Variants in PDE4D observed in about 807,000 individuals in gnomAD.
PDE4D encodes phosphodiesterase 4D.
In PDE4D, 24 loss-of-function variants were observed where a neutral mutation model predicts 87.4. That is an observed-to-expected ratio of 0.27 (90% CI 0.20 to 0.39). PDE4D has a LOEUF of 0.39. PDE4D is among the 10% of genes least tolerant of loss of function. The pLI is 1.00. For missense variants in PDE4D, 714 were observed against 1,041.0 expected (o/e 0.69, Z 4.32); for synonymous variants, 384 against 383.2 (o/e 1.00, Z -0.02).
At chr5:59,948,068 T>C (rs1172496105) in intron 3 of PDE4D, among the ~76,000 whole-genome samples, 1 of 152,200 alleles carries the variant, frequency 6.6e-6, no homozygotes, top group African/African-American at 2.4e-5. Context: ...TATACTGATA[T>C]ACTCTCAAAG....
chr5:60,088,486 A>T (rs927933567), intron 2 of PDE4D, among the ~76,000 whole-genome samples: 1 of 152,000 alleles, frequency 6.6e-6, no homozygotes, highest in Non-Finnish European at 1.5e-5. Flanking sequence ...CAATATAAAA[A>T]TATGTAAATT....
intron 2 of PDE4D, among the ~76,000 whole-genome samples, chr5:60,003,875 T>C (rs2152840400): frequency 6.6e-6 from 1 of 152,138 alleles, no homozygotes; most frequent in Admixed American, 6.5e-5. Flanking sequence ...AAATAAACCC[T>C]GCATATATAA....
upstream of PDE4D, among the ~76,000 whole-genome samples, chr5:59,897,997 C>T (rs1546364): frequency 0.23 from 34,685 of 152,006 alleles, 5,707 homozygotes; most frequent in African/African-American, 0.47. Context: ...GTCAGTATTG[C>T]CAGTACAAGT....
At position 60,428,643 on chromosome 5, in the gene PDE4D, C is replaced by T. The variant is rs560101017; in HGVS notation, c.-90+59299G>A. On this transcript the variant is annotated intron_variant, in intron 1 of 16. Transcript: ENST00000502484. ...TATATACTGAAAATCCTACTAAATG[C>T]TTCACAAATAGTATTTACTTCTCAC... Among the ~76,000 whole-genome samples, 8 of 152,256 alleles carry T rather than the reference C, an allele frequency of 5.3e-5. No homozygotes were observed. The East Asian group carries it at 1.5e-3, about 29-fold the overall frequency.
At chr5:59,487,323 T>A (rs1805331750) in intron 1 of PDE4D, among the ~76,000 whole-genome samples, 1 of 152,152 alleles carries the variant, frequency 6.6e-6, no homozygotes, top group Non-Finnish European at 1.5e-5. Flanking sequence ...TTCAAGTTGA[T>A]AGGACATTAA....
At chr5:60,243,646 G>A (rs1157713116) in intron 1 of PDE4D, among the ~76,000 whole-genome samples, 1 of 151,886 alleles carries the variant, frequency 6.6e-6, no homozygotes, top group African/African-American at 2.4e-5. Context: ...AGGGAAGCAA[G>A]GATAGTTCAA....
In PDE4D at chr5:59,780,870, C is replaced by G. The variant is rs571469596; in HGVS notation, c.455+112298G>C. ...ACTCTCTAGGGCTCAGTTTCCTTATCTAAAAGCGATGGTGAGCTGAGCGCA... is the reference window on the plus strand; with the variant it reads ...ACTCTCTAGGGCTCAGTTTCCTTATGTAAAAGCGATGGTGAGCTGAGCGCA... On this transcript the variant is annotated intron_variant, in intron 1 of 14. Coordinates refer to ENST00000340635, the MANE Select transcript of PDE4D (RefSeq NM_001104631.2). Among the ~76,000 whole-genome samples, 3 of 152,180 alleles carry G rather than the reference C, an allele frequency of 2.0e-5. No individual in the cohort carries two copies. In the East Asian group the frequency reaches 5.8e-4, roughly 29 times the overall value.
intron 1 of PDE4D, among the ~76,000 whole-genome samples, chr5:59,858,847 G>A (rs1745839642): frequency 6.6e-6 from 1 of 151,994 alleles, no homozygotes; most frequent in African/African-American, 2.4e-5. Flanking sequence ...GGATTTCTTT[G>A]GTCTTTGTCA....
chr5:60,324,810 G>A (rs1283078168), intron 1 of PDE4D, among the ~76,000 whole-genome samples: 3 of 152,168 alleles, frequency 2.0e-5, no homozygotes, highest in African/African-American at 7.2e-5. Context: ...TGGTTACTGT[G>A]AACCTCATAT....
At chr5:59,802,022 G>C (rs1767186094) in intron 1 of PDE4D, among the ~76,000 whole-genome samples, 1 of 152,116 alleles carries the variant, frequency 6.6e-6, no homozygotes, top group African/African-American at 2.4e-5. Context: ...ATAAAGAAGG[G>C]CTAGGTGTTT....
chr5:59,231,781 A>G (rs1755257315), intron 1 of PDE4D, among the ~76,000 whole-genome samples: 1 of 152,184 alleles, frequency 6.6e-6, no homozygotes. Flanking sequence ...TTCACACTTC[A>G]TTTAGGTTTT....
intron 1 of PDE4D, among the ~76,000 whole-genome samples, chr5:59,827,287 A>C (rs1770438169): frequency 1.3e-5 from 2 of 152,038 alleles, no homozygotes; most frequent in South Asian, 4.1e-4. Flanking sequence ...GTAGTCTATG[A>C]GCCAGAATCT....
At chr5:59,593,617 G>A (rs555401553) in intron 1 of PDE4D, among the ~76,000 whole-genome samples, 40 of 152,310 alleles carry the variant, frequency 2.6e-4, no homozygotes, top group African/African-American at 9.4e-4. Flanking sequence ...TAAGAGAAGT[G>A]AGGTCACAGG....
chr5:60,064,475 A>G (rs1442998739), intron 2 of PDE4D, among the ~76,000 whole-genome samples: 1 of 152,064 alleles, frequency 6.6e-6, no homozygotes, highest in African/African-American at 2.4e-5. Flanking sequence ...TTTCAATTAG[A>G]AAAAAATCCA....
intron 1 of PDE4D, among the ~76,000 whole-genome samples, chr5:59,287,718 C>CAGAGAGAGAGAG (rs144084939): frequency 1.3e-5 from 2 of 149,542 alleles, no homozygotes; most frequent in South Asian, 2.1e-4. Flanking sequence ...GAGACACACA[C>CAGAGAGAGAGAG]AGAGAGAGAG....
At chr5:60,398,429 A>G (rs1405353293) in intron 1 of PDE4D, among the ~76,000 whole-genome samples, 1 of 152,196 alleles carries the variant, frequency 6.6e-6, no homozygotes, top group African/African-American at 2.4e-5. Flanking sequence ...ACATTGATGG[A>G]CACTGCCTGA....
At chr5:60,408,903 A>C (rs1741802992) in intron 1 of PDE4D, among the ~76,000 whole-genome samples, 1 of 152,176 alleles carries the variant, frequency 6.6e-6, no homozygotes, top group African/African-American at 2.4e-5. Context: ...AATGTTAATA[A>C]TCATAATGAT....
intron 3 of PDE4D, among the ~76,000 whole-genome samples, chr5:59,978,802 C>T (rs1761616892): frequency 6.6e-6 from 1 of 152,148 alleles, no homozygotes; most frequent in Non-Finnish European, 1.5e-5. Flanking sequence ...GTCACAGCCA[C>T]CCCAATCTTC....
At chr5:59,594,158 A>AG (rs1826312125) in intron 1 of PDE4D, among the ~76,000 whole-genome samples, 1 of 150,590 alleles carries the variant, frequency 6.6e-6, no homozygotes, top group Non-Finnish European at 1.5e-5. Context: ...AAGAAAAAAA[A>AG]AACCTGAAAA....
Sources: gnomAD v4.1 joint callset for allele counts (sites outside exome capture counted in the v4.1 genomes callset) on GRCh38, gnomAD v4.1.1 for gene constraint, MANE v1.5 for transcripts, NCBI Gene and HGNC (gene_info 2026-07-23, HGNC 2026-07-21) for gene names.